Variants in COBL observed in about 807,000 individuals in gnomAD.
COBL encodes the protein protein cordon-bleu.
In COBL, 51 loss-of-function variants were observed where a neutral mutation model predicts 98.8. The ratio of observed to expected loss-of-function variants is 0.52; its 90% confidence interval spans 0.41 to 0.65. COBL has a LOEUF of 0.65. Ranked by LOEUF, COBL falls within the 30% of genes least tolerant of loss-of-function variation. The pLI is 0.00. For missense variants in COBL, 1,617 were observed against 1,617.5 expected (o/e 1.00, Z 0.01); for synonymous variants, 634 against 651.7 (o/e 0.97, Z 0.41).
chr7:51,091,359 A>C (rs1041108584), intron 6 of COBL, among the ~76,000 whole-genome samples: 2 of 152,238 alleles, frequency 1.3e-5, no homozygotes, highest in African/African-American at 4.8e-5. Flanking sequence ...GAAGTTCTGA[A>C]GCTGAAAAAT....
At position 51,219,898 on chromosome 7, in the gene COBL, T is replaced by G. The variant is rs1365697057; in HGVS notation, c.88A>C (p.Thr30Pro). Residue 30 changes from threonine (T) to proline (P), a missense_variant, in exon 2 of 13, where the codon ACT becomes CCT. This residue lies in a region of COBL where 238 missense variants were observed against 215.0 expected (regional missense o/e 1.11). Coordinates refer to ENST00000265136, the MANE Select transcript of COBL (RefSeq NM_015198.5). ...TTCTGGTCACTGTGCACATGCAGAG[T>G]GGCAGCCTTTCCAGGAGGTGGGGGA... Reference protein sequence around the residue: ...RAPPPPGKAATLHVHSDQKPP... With the variant: ...RAPPPPGKAAPLHVHSDQKPP... 2 of 1,612,114 alleles carry G rather than the reference T, an allele frequency of 1.2e-6. No individual in the cohort carries two copies. Among genetic ancestry groups the G allele is most frequent in the African/African-American group, 2.7e-5 (2 of 74,806 alleles).
chr7:51,104,286 A>G (rs1796061880), intron 6 of COBL, among the ~76,000 whole-genome samples: 1 of 152,246 alleles, frequency 6.6e-6, no homozygotes, highest in Non-Finnish European at 1.5e-5. Context: ...TGATGATTAT[A>G]TGTAATTTCC....
chr7:51,168,371 G>T (rs531431753), intron 5 of COBL, among the ~76,000 whole-genome samples: 1 of 152,084 alleles, frequency 6.6e-6, no homozygotes, highest in Admixed American at 6.6e-5. Context: ...AGAAGGTGGA[G>T]GCTGCAGTGA....
intron 1 of COBL, among the ~76,000 whole-genome samples, chr7:51,220,788 C>G (rs1325686474): frequency 1.3e-5 from 2 of 152,146 alleles, no homozygotes; most frequent in Non-Finnish European, 2.9e-5. Context: ...TCACCCTCCT[C>G]CCACCTTCCG....
chr7:51,132,626 T>A (rs754069199), intron 6 of COBL, among the ~76,000 whole-genome samples: 13 of 152,288 alleles, frequency 8.5e-5, no homozygotes, highest in Non-Finnish European at 1.6e-4. Flanking sequence ...TGTTAGTCAG[T>A]CTGTGTTGCT....
intron 6 of COBL, among the ~76,000 whole-genome samples, chr7:51,092,044 T>G (rs1415660587): frequency 6.6e-6 from 1 of 152,212 alleles, no homozygotes; most frequent in East Asian, 1.9e-4. Flanking sequence ...GAGTGGTAAG[T>G]GAACAAGCAT....
At chr7:51,259,572 T>C in intron 1 of COBL, 1 of 735,966 alleles carries the variant, frequency 1.4e-6, no homozygotes, top group Non-Finnish European at 2.4e-6. Context: ...TGAGATCTCC[T>C]GGAAATGCTT....
chr7:51,257,661 A>T (rs1292202651), intron 1 of COBL, among the ~76,000 whole-genome samples: 2 of 152,164 alleles, frequency 1.3e-5, no homozygotes, highest in Non-Finnish European at 2.9e-5. Flanking sequence ...ATATAAATAT[A>T]CATAATTTTA....
At chr7:51,034,692 T>G (rs1470000836) in intron 8 of COBL, 1 of 152,240 alleles carries the variant, frequency 6.6e-6, no homozygotes, top group Admixed American at 6.5e-5. Context: ...AGGGGAGCCC[T>G]AGGTATGTGT....
intron 7 of COBL, among the ~76,000 whole-genome samples, chr7:51,081,966 A>T (rs1201493714): frequency 6.6e-6 from 1 of 152,054 alleles, no homozygotes; most frequent in Non-Finnish European, 1.5e-5. Context: ...TTGCATTCGG[A>T]AGCATGTCTA....
chr7:51,025,872 T>C (rs1787502572), intron 11 of COBL, among the ~76,000 whole-genome samples: 1 of 152,196 alleles, frequency 6.6e-6, no homozygotes, highest in Non-Finnish European at 1.5e-5. Flanking sequence ...CCGAGACATC[T>C]GCCCCCATGC....
At chr7:51,022,022 C>T (rs1300948936) in intron 12 of COBL, among the ~76,000 whole-genome samples, 1 of 152,102 alleles carries the variant, frequency 6.6e-6, no homozygotes, top group Non-Finnish European at 1.5e-5. Flanking sequence ...TCACCCAATT[C>T]CTGCCCTCCT....
Position 51,182,011 on chromosome 7 carries a change from A to T in COBL, c.783+2091T>A, listed in dbSNP as rs549328237. On this transcript the variant is annotated intron_variant, in intron 5 of 12. Transcript: ENST00000265136. ...TTTTTAGGTGACCTTACTTTGCTAA[A>T]AACGAAAGTCTTTCTAGATTTTTTA... Among the ~76,000 whole-genome samples the T allele has an allele frequency of 3.3e-5, 5 of 152,340 alleles. No individual in the cohort carries two copies. In the East Asian group the frequency reaches 9.6e-4, roughly 29 times the overall value.
intron 5 of COBL, among the ~76,000 whole-genome samples, chr7:51,153,703 T>C (rs1217002923): frequency 1.3e-5 from 2 of 152,168 alleles, no homozygotes; most frequent in Non-Finnish European, 1.5e-5. Context: ...GACAAGACCA[T>C]GGAAGCTGCT....
At chr7:51,216,157 C>T (rs1002940470) in intron 2 of COBL, among the ~76,000 whole-genome samples, 1 of 152,236 alleles carries the variant, frequency 6.6e-6, no homozygotes, top group Non-Finnish European at 1.5e-5. Flanking sequence ...AAATACCTGA[C>T]ACCCTTTTGT....
At chr7:51,267,449 T>C (rs1353965954) in intron 1 of COBL, among the ~76,000 whole-genome samples, 1 of 152,012 alleles carries the variant, frequency 6.6e-6, no homozygotes, top group Non-Finnish European at 1.5e-5. Flanking sequence ...GGCCTCTACT[T>C]CCATTTTCAT....
intron 5 of COBL, among the ~76,000 whole-genome samples, chr7:51,178,144 C>T (rs1043433536): frequency 7.6e-6 from 1 of 131,856 alleles, no homozygotes; most frequent in African/African-American, 2.9e-5. Flanking sequence ...GAAACACACT[C>T]TCTCACTCTC....
In COBL at chr7:51,028,146, T is replaced by C. The variant is rs1000724170; in HGVS notation, c.2950A>G (p.Arg984Gly). 6 of 1,614,232 alleles carry C rather than the reference T, an allele frequency of 3.7e-6. No homozygotes were observed. Among genetic ancestry groups the C allele is most frequent in the Admixed American group, 1.7e-5 (1 of 60,034 alleles). Residue 984 changes from arginine to glycine, a missense_variant, in exon 10 of 13, where the codon AGG (arginine) becomes GGG (glycine). Arg to Gly is a moderately radical substitution (Grantham distance 125). Coordinates refer to ENST00000265136, the MANE Select transcript of COBL (RefSeq NM_015198.5). ...CTCTGTCCCACAGAAACACGATCCC[T>C]CTGGGAAGACTGAACCAGTGAGAAA... ...SCFSLVQSSQ[R>G]DRVSVGQSCG...
chr7:51,028,386 C>A lies in COBL; in HGVS notation c.2710G>T (p.Ala904Ser). The change falls in exon 10 of 13, where the codon GCT (alanine) becomes TCT (serine). Residue 904 changes from alanine (A) to serine (S), a missense_variant. Coordinates refer to ENST00000265136, the MANE Select transcript of COBL (RefSeq NM_015198.5). ...KGYAGKAPVL[A>S]APPVTVKDDR... ...TCTTTCACAGTGACAGGTGGTGCAG[C>A]CAGCACTGGCGCCTTGCCTGCATAA... 1 of 1,614,268 alleles carries A rather than the reference C, an allele frequency of 6.2e-7. No individual in the cohort carries two copies. Among genetic ancestry groups the A allele is most frequent in the Non-Finnish European group, 8.5e-7 (1 of 1,180,060 alleles).
Sources: allele counts gnomAD v4.1 joint callset (sites outside exome capture counted in the v4.1 genomes callset), GRCh38; gene constraint gnomAD v4.1.1; regional missense constraint gnomAD v4.1.1; transcripts MANE v1.5; gene names NCBI Gene and HGNC (gene_info 2026-07-23, HGNC 2026-07-21).